The following P4HA1 variants were observed in gnomAD, a reference collection of about 807,000 sequenced individuals.
P4HA1 encodes prolyl 4-hydroxylase subunit alpha-1.
Under a neutral mutation model 72.8 loss-of-function variants are expected in P4HA1, and 24 were observed. The observed-to-expected ratio is 0.33, with a 90% CI of 0.24 to 0.46. The LOEUF is 0.46. P4HA1 is among the 20% of genes least tolerant of loss of function. The pLI, the probability that P4HA1 is intolerant of heterozygous loss-of-function variation, is 1.00. For synonymous variants in P4HA1, 201 were observed against 218.8 expected, an observed-to-expected ratio of 0.92 and a Z score of 0.72; for missense variants, 446 against 640.6, an observed-to-expected ratio of 0.70 and a Z score of 3.28.
chr10:73,077,110 T>C (rs969137689), intron 1 of P4HA1, among the ~76,000 whole-genome samples: 14 of 152,264 alleles, frequency 9.2e-5, no homozygotes, highest in Non-Finnish European at 1.9e-4. Context: ...GTAGCAGATG[T>C]AGACACTTCC....
chr10:73,051,588 C>T (rs547697350), intron 6 of P4HA1, among the ~76,000 whole-genome samples: 12 of 152,162 alleles, frequency 7.9e-5, no homozygotes, highest in Non-Finnish European at 8.8e-5. Context: ...AGTGAAACCT[C>T]GTCTCTACTA....
At chr10:73,080,152 G>C (rs1841791223) in intron 1 of P4HA1, among the ~76,000 whole-genome samples, 2 of 152,188 alleles carry the variant, frequency 1.3e-5, no homozygotes, top group Non-Finnish European at 2.9e-5. Flanking sequence ...GCCCACCTAA[G>C]AAAGCCTTTA....
At chr10:73,017,933 G>A (rs1393989137) in intron 10 of P4HA1, among the ~76,000 whole-genome samples, 1 of 152,200 alleles carries the variant, frequency 6.6e-6, no homozygotes, top group Non-Finnish European at 1.5e-5. Flanking sequence ...TGCTGCTGAT[G>A]AAACCAGAAG....
At chr10:73,050,060 G>A (rs763609476) in intron 7 of P4HA1, among the ~76,000 whole-genome samples, 1 of 151,970 alleles carries the variant, frequency 6.6e-6, no homozygotes, top group Non-Finnish European at 1.5e-5. Flanking sequence ...CAGCTACTTG[G>A]GAGGCTGAAG....
intron 5 of P4HA1, among the ~76,000 whole-genome samples, chr10:73,062,644 A>C (rs1841338097): frequency 6.6e-6 from 1 of 152,236 alleles, no homozygotes; most frequent in Non-Finnish European, 1.5e-5. Flanking sequence ...TGGTTTCTTT[A>C]ATAAATTTTG....
At chr10:73,038,692 T>C (rs1017490906) in intron 9 of P4HA1, among the ~76,000 whole-genome samples, 1 of 104,354 alleles carries the variant, frequency 9.6e-6, no homozygotes, top group African/African-American at 6.0e-5. Flanking sequence ...AGTGGCGGGA[T>C]CTCGGCTCAC....
chr10:73,096,559 C>G (rs949589394), intron 1 of P4HA1, among the ~76,000 whole-genome samples: 5 of 152,176 alleles, frequency 3.3e-5, no homozygotes, highest in Non-Finnish European at 7.4e-5. Context: ...AAGGGGGGCA[C>G]GAAGGAGCGC....
chr10:73,091,203 A>G (rs555637081), intron 1 of P4HA1, among the ~76,000 whole-genome samples: 2 of 151,936 alleles, frequency 1.3e-5, no homozygotes, highest in South Asian at 2.1e-4. Flanking sequence ...AATAAATAAA[A>G]AGGAGGAAGG....
Position 73,091,991 on chromosome 10 carries a change from T to TCC in P4HA1, c.-33+4773_-33+4774dup, listed in dbSNP as rs1842040742. Among the ~76,000 whole-genome samples the TCC allele has an allele frequency of 3.9e-5, 6 of 152,278 alleles. No homozygotes were observed. In the South Asian group the frequency reaches 1.2e-3, roughly 32 times the overall value. ...GCCCAGGTATACTCAGCTTCATCCCTCCCAAGGCTATTCTGTCAAAATTCC... is the reference window on the plus strand; with the variant it reads ...GCCCAGGTATACTCAGCTTCATCCCTCCCCCAAGGCTATTCTGTCAAAATTCC... On this transcript the variant is annotated intron_variant, in intron 1 of 14. Transcript: ENST00000394890.
chr10:73,079,898 T>C (rs981169566), intron 1 of P4HA1, among the ~76,000 whole-genome samples: 9 of 152,198 alleles, frequency 5.9e-5, no homozygotes, highest in Non-Finnish European at 1.2e-4. Context: ...AGGTCAATCA[T>C]TGACTTTCAT....
At chr10:73,037,564 TATATATA>T (rs1449826903) in intron 9 of P4HA1, among the ~76,000 whole-genome samples, 199 of 32,352 alleles carry the variant, frequency 6.2e-3, no homozygotes, top group East Asian at 0.016. Context: ...TATATATATA[TATATATA>T]TTTTTTTTTT....
intron 13 of P4HA1, 127 bp downstream of exon 13, chr10:73,010,842 A>C: frequency 1.5e-6 from 1 of 670,638 alleles, no homozygotes; most frequent in South Asian, 1.9e-5. Flanking sequence ...TGGGCAACAG[A>C]GCGAGAACAG....
At chr10:73,029,641 A>AT (rs143810789) in intron 10 of P4HA1, among the ~76,000 whole-genome samples, 142 of 151,150 alleles carry the variant, frequency 9.4e-4, no homozygotes, top group African/African-American at 2.9e-3. Context: ...GCCTATGCTT[A>AT]GTTTTTTTTT....
At chr10:73,088,607 T>A (rs1356718626) in intron 1 of P4HA1, among the ~76,000 whole-genome samples, 1 of 152,244 alleles carries the variant, frequency 6.6e-6, no homozygotes, top group Non-Finnish European at 1.5e-5. Context: ...GATTAAACTT[T>A]ATTTCATATC....
At chr10:73,047,950 G>T (rs1055058354) in intron 7 of P4HA1, among the ~76,000 whole-genome samples, 4 of 152,096 alleles carry the variant, frequency 2.6e-5, no homozygotes, top group Non-Finnish European at 5.9e-5. Context: ...TACTTGAGGG[G>T]CTGAAATGGG....
At chr10:73,046,581 A>G (rs979256740) in intron 8 of P4HA1, among the ~76,000 whole-genome samples, 1 of 152,222 alleles carries the variant, frequency 6.6e-6, no homozygotes, top group African/African-American at 2.4e-5. Context: ...CAGAAGTGAA[A>G]AAGCTGGGCT....
Position 73,017,128 on chromosome 10 carries a change from T to C in P4HA1, c.1249-229A>G, listed in dbSNP as rs1432047736. Among the ~76,000 whole-genome samples the C allele has an allele frequency of 2.7e-5, 4 of 150,586 alleles. 1 individual carries two copies. The highest frequency in any genetic ancestry group is 9.9e-5 in the African/African-American group (4 of 40,376). ...ATATCTACAGATGTATATATAGATA[T>C]CTATATCTACAGATGTATATATAGA... On this transcript the variant is annotated intron_variant, in intron 10 of 14. Transcript: ENST00000394890.
Position 73,069,410 on chromosome 10 carries a change from GTTGT to G in P4HA1, c.326-431_326-428del, listed in dbSNP as rs1841497582. ...GGTAAGTAAAATATGTGCTCTTAAAGTTGTTTTTTTCTTCCATGTATTACACATT... is the reference window on the plus strand; with the variant it reads ...GGTAAGTAAAATATGTGCTCTTAAAGTTTTTTCTTCCATGTATTACACATT... On this transcript the variant is annotated intron_variant, in intron 4 of 14. Transcript: ENST00000394890. Among the ~76,000 whole-genome samples, 3 of 152,058 alleles carry G rather than the reference GTTGT, an allele frequency of 2.0e-5. No homozygotes were observed. The South Asian group carries it at 6.2e-4, about 31-fold the overall frequency.
intron 5 of P4HA1, among the ~76,000 whole-genome samples, chr10:73,061,640 C>G (rs2056007355): frequency 6.6e-6 from 1 of 152,100 alleles, no homozygotes; most frequent in African/African-American, 2.4e-5. Flanking sequence ...GTGACTTATA[C>G]CTATAGTCCC....
Sources: gnomAD v4.1 joint callset for allele counts (sites outside exome capture counted in the v4.1 genomes callset) on GRCh38, gnomAD v4.1.1 for gene constraint, MANE v1.5 for transcripts, NCBI Gene and HGNC (gene_info 2026-07-23, HGNC 2026-07-21) for gene names.